ORC5: variants seen among roughly 807,000 people sequenced by gnomAD.
ORC5 encodes origin recognition complex subunit 5.
ORC5 carries 39 observed loss-of-function variants against 58.8 expected under a neutral mutation model. That is an observed-to-expected ratio of 0.66 (90% confidence interval 0.51 to 0.87). The LOEUF (loss-of-function observed/expected upper bound fraction) is 0.87. Among genes scored for constraint, ORC5 ranks in the 40% least tolerant of loss-of-function variants. The pLI, the probability that ORC5 is intolerant of heterozygous loss-of-function variation, is 0.00. For missense variants in ORC5, 493 were observed against 506.3 expected (o/e 0.97, Z 0.25); for synonymous variants, 218 against 177.6 (o/e 1.23, Z -1.81).
At chr7:104,202,267 G>C (rs1799964036) in intron 2 of ORC5, 1 of 198,178 alleles carries the variant, frequency 5.0e-6, no homozygotes, top group African/African-American at 2.4e-5. Context: ...GTGGCACTTG[G>C]CACAAATAAT....
chr7:104,206,876 A>G (rs1800099869), intron 1 of ORC5, among the ~76,000 whole-genome samples: 1 of 152,200 alleles, frequency 6.6e-6, no homozygotes. Context: ...GTAGAGGTTT[A>G]TAGCCTAGGA....
rs2307404 is a variant in ORC5 at position 104,165,241 on chromosome 7, G to A, written c.1032C>T (p.His344=). ...KIKKTNFLKK[H]EKTSNHLLGP... is the part of the protein sequence containing the mutation. ...GAAATTAAAATGTAAATACCTTTTC[G>A]TGTTTTTTTAGAAAGTTGGTTTTCT... is the stretch of plus-strand genomic sequence containing the variant. Residue 344 remains histidine (H), a synonymous_variant, in exon 11 of 14, where the codon CAC becomes CAT. Coordinates refer to ENST00000297431, the MANE Select transcript of ORC5 (RefSeq NM_002553.4). 3.4e-4 allele frequency: 500 copies of A among 1,487,212 alleles called. 1 individual carries two copies. The African/African-American group carries it at 5.9e-3, about 18-fold the overall frequency. 92.1% of individuals were successfully genotyped at this position (1,487,212 alleles called of 1,614,324 possible). A position where few individuals can be genotyped will look rare whatever the true frequency, so the allele number is the denominator to read the frequency against.
At chr7:104,183,382 G>C (rs1799475996) in intron 8 of ORC5, among the ~76,000 whole-genome samples, 1 of 152,018 alleles carries the variant, frequency 6.6e-6, no homozygotes, top group South Asian at 2.1e-4. Flanking sequence ...GGCACCAAGG[G>C]ACAATAAAAA....
chr7:104,127,303 C>T (rs1158049852), intron 13 of ORC5, among the ~76,000 whole-genome samples: 2 of 152,172 alleles, frequency 1.3e-5, no homozygotes, highest in Non-Finnish European at 2.9e-5. Flanking sequence ...CCTGTTTTGT[C>T]ATTACATAAT....
At position 104,207,925 on chromosome 7, in the gene ORC5, A is replaced by C. The variant is rs1237065482; in HGVS notation, c.-21T>G. The C allele has an allele frequency of 3.1e-6, 5 of 1,611,756 alleles. No individual in the cohort carries two copies. The highest frequency in any genetic ancestry group is 4.2e-6 in the Non-Finnish European group (5 of 1,177,896). ...GGCATTCTGGCAGGCACCACCGCAG[A>C]GGCCAGTGCAGCCAGCCCACAGGAC... On this transcript the variant is annotated 5_prime_UTR_variant, in exon 1 of 14. Coordinates refer to ENST00000297431, the MANE Select transcript of ORC5 (RefSeq NM_002553.4).
intron 5 of ORC5, among the ~76,000 whole-genome samples, chr7:104,191,573 A>G (rs1173716558): frequency 6.6e-6 from 1 of 152,098 alleles, no homozygotes; most frequent in Non-Finnish European, 1.5e-5. Context: ...CCCTGATGAA[A>G]GTCTTATAAG....
intron 13 of ORC5, among the ~76,000 whole-genome samples, chr7:104,128,508 CTTTT>C (rs879288342): frequency 6.7e-6 from 1 of 149,558 alleles, no homozygotes; most frequent in African/African-American, 2.5e-5. Context: ...TAATAGACTA[CTTTT>C]TTTTTTAAAC....
rs1043172731 is a variant in ORC5 at position 104,185,753 on chromosome 7, T to G, written c.685-1582A>C. Among the ~76,000 whole-genome samples the G allele has an allele frequency of 3.3e-5, 5 of 152,206 alleles. No homozygotes were observed. In the South Asian group the frequency reaches 1.0e-3, roughly 32 times the overall value. On this transcript the variant is annotated intron_variant, in intron 6 of 13. Transcript: ENST00000297431. ...CACTGGAATTCTACTGAACAGCAGTTTAAGCAAACTGGTTAAAAACATACT... is the reference window on the plus strand; with the variant it reads ...CACTGGAATTCTACTGAACAGCAGTGTAAGCAAACTGGTTAAAAACATACT...
intron 13 of ORC5, among the ~76,000 whole-genome samples, chr7:104,130,037 G>A (rs1798489721): frequency 6.6e-6 from 1 of 150,710 alleles, no homozygotes; most frequent in Non-Finnish European, 1.5e-5. Context: ...ACTTTTGTGG[G>A]CAGTTTGAGT....
In ORC5 at chr7:104,188,284, A is replaced by G. The variant is rs779686796; in HGVS notation, c.651T>C (p.Thr217=). Residue 217 remains threonine (T), a synonymous_variant, in exon 6 of 14, where the codon ACT becomes ACC. Transcript: ENST00000297431. The part of the protein sequence containing the change: ...YINILLGVFY[T]VCRDLKELRH... ...TGAGCTCTTTCAAATCTCGACAAAC[A>G]GTGTAGAAAACTCCAAGAAGAATGT... 1 of 1,613,224 alleles carries G rather than the reference A, an allele frequency of 6.2e-7. No individual in the cohort carries two copies. Among genetic ancestry groups the G allele is most frequent in the Non-Finnish European group, 8.5e-7 (1 of 1,179,508 alleles).
chr7:104,160,656 C>G (rs1033221068), intron 12 of ORC5, among the ~76,000 whole-genome samples: 1 of 151,848 alleles, frequency 6.6e-6, no homozygotes, highest in African/African-American at 2.4e-5. Flanking sequence ...TTAATAAAAG[C>G]ACATCTATCT....
rs552769030 is a variant in ORC5, at chr7:104,129,847, G to A, written c.1263-2954C>T. ...AGCTGGAAAGAAATACAGTAAACAC[G>A]AATAGTGTGGTGGCAATTTTCCTAG... On this transcript the variant is annotated intron_variant, in intron 13 of 13. Coordinates refer to ENST00000297431, the MANE Select transcript of ORC5 (RefSeq NM_002553.4). The surrounding 1 kb of genome is among the most constrained non-coding windows in gnomAD (Gnocchi z 4.9). 1.3e-5 allele frequency among the ~76,000 whole-genome samples: 2 copies of A among 152,248 alleles called. No homozygotes were observed. The highest frequency in any genetic ancestry group is 6.5e-5 in the Admixed American group (1 of 15,304).
At chr7:104,128,350 T>A (rs1393871373) in intron 13 of ORC5, among the ~76,000 whole-genome samples, 1 of 152,198 alleles carries the variant, frequency 6.6e-6, no homozygotes, top group Non-Finnish European at 1.5e-5. Context: ...CTCGAACTCC[T>A]GACCTCAGGT....
At chr7:104,150,562 G>T (rs1268576987) in intron 12 of ORC5, among the ~76,000 whole-genome samples, 1 of 151,046 alleles carries the variant, frequency 6.6e-6, no homozygotes, top group African/African-American at 2.4e-5. Context: ...AAAAAAAGGA[G>T]AGTGGTTTGC....
At chr7:104,187,765 T>TTTGTA in intron 6 of ORC5, 1 of 978,956 alleles carries the variant, frequency 1.0e-6, no homozygotes, top group Non-Finnish European at 1.2e-6. Flanking sequence ...GATTACCAGC[T>TTTGTA]CAGGGTCAGT....
intron 8 of ORC5, among the ~76,000 whole-genome samples, chr7:104,173,176 T>A (rs1799248213): frequency 6.6e-6 from 1 of 152,208 alleles, no homozygotes; most frequent in Middle Eastern, 3.4e-3. Context: ...TATACAAAAA[T>A]CCTGTGAGGA....
chr7:104,165,259 G>A lies in ORC5; in HGVS notation c.1014C>T (p.Thr338=). ...CCTTTTCGTGTTTTTTTAGAAAGTT[G>A]GTTTTCTTGATTTTTCCATGATGCT... ...FLKHHGKIKK[T]NFLKKHEKTS... Residue 338 remains threonine (T), a synonymous_variant, in exon 11 of 14, where the codon ACC becomes ACT. Transcript: ENST00000297431. The A allele has an allele frequency of 2.0e-6, 3 of 1,523,468 alleles. No homozygotes were observed. Among genetic ancestry groups the A allele is most frequent in the African/African-American group, 1.4e-5 (1 of 72,328 alleles). 94.4% of individuals were successfully genotyped at this position (1,523,468 alleles called of 1,614,324 possible).
Position 104,200,861 on chromosome 7 carries a change from T to A in ORC5, c.263A>T (p.Asp88Val), listed in dbSNP as rs754380648. The change falls in exon 3 of 14, where the codon GAT becomes GTT. Residue 88 changes from aspartate (D) to valine (V), a missense_variant. Physicochemically the swap from Asp to Val is radical, Grantham distance 152. This residue lies in a region of ORC5 where 412 missense variants were observed against 403.7 expected (regional missense o/e 1.02). Transcript: ENST00000297431. ...ACAGGTTATTTCAGTAGAACATCCA[T>A]CCTCTGAAGAACTAAGATGATTCAA... ...NKLNHLSSSE[D>V]GCSTEITCET... 9 of 1,612,818 alleles carry A rather than the reference T, an allele frequency of 5.6e-6. No individual in the cohort carries two copies. Among genetic ancestry groups the A allele is most frequent in the Non-Finnish European group, 7.6e-6 (9 of 1,178,858 alleles).
At position 104,179,830 on chromosome 7, in the gene ORC5, C is replaced by T. The variant is rs114145519; in HGVS notation, c.824+4113G>A. Among the ~76,000 whole-genome samples, 965 of 152,274 alleles carry T rather than the reference C, an allele frequency of 6.3e-3. 12 individuals carry two copies. Among genetic ancestry groups the T allele is most frequent in the African/African-American group, 0.021 (893 of 41,556 alleles). On this transcript the variant is annotated intron_variant, in intron 8 of 13. Transcript: ENST00000297431. ...GCATCTTACTGCATGTCATACATCA[C>T]TGCTTTCAACTCTTTCTCCCCTTGA...
Sources: gnomAD v4.1 joint callset for allele counts (sites outside exome capture counted in the v4.1 genomes callset) on GRCh38, gnomAD v4.1.1 for gene constraint, gnomAD v4.1.1 regional missense constraint, Gnocchi (gnomAD v3.1) non-coding constraint, MANE v1.5 for transcripts, NCBI Gene and HGNC (gene_info 2026-07-23, HGNC 2026-07-21) for gene names.